Variants in PCLO observed in about 807,000 individuals in gnomAD.
The protein encoded by PCLO is piccolo presynaptic cytomatrix protein.
A neutral mutation model predicts 427.5 loss-of-function variants in PCLO; 82 were observed. That is an observed-to-expected ratio of 0.19 (90% CI 0.16 to 0.23). The LOEUF is 0.23. Ranked by LOEUF, PCLO falls within the 10% of genes least tolerant of loss-of-function variation. The pLI is 1.00. For missense variants in PCLO, 6,239 were observed against 6,115.9 expected (o/e 1.02, Z -0.67); for synonymous variants, 2,357 against 2,155.4 (o/e 1.09, Z -2.59).
chr7:82,758,625 T>G lies in PCLO; in HGVS notation c.15379A>C (p.Arg5127=), dbSNP rs377710753. The change falls in exon 25 of 25, where the codon AGA becomes CGA. Residue 5127 remains arginine (R), a synonymous_variant. Coordinates refer to ENST00000333891, the MANE Select transcript of PCLO (RefSeq NM_033026.6). ...IWLDKVDLRK[R]IVNWHKLLVS... ...AAAAGTTTGTGCCAGTTGACTATTCTTTTTCTGAGATCCACTTTGTCAAGC... is the reference window on the plus strand; with the variant it reads ...AAAAGTTTGTGCCAGTTGACTATTCGTTTTCTGAGATCCACTTTGTCAAGC... The G allele has an allele frequency of 1.8e-5, 29 of 1,611,802 alleles. No homozygotes were observed. Among genetic ancestry groups the G allele is most frequent in the Non-Finnish European group, 2.5e-5 (29 of 1,178,430 alleles).
Position 82,915,315 on chromosome 7 carries a change from G to A in PCLO, c.12671C>T (p.Thr4224Ile), listed in dbSNP as rs1794420978. The A allele has an allele frequency of 4.3e-6, 7 of 1,613,484 alleles. No homozygotes were observed. The African/African-American group carries it at 5.3e-5, about 12-fold the overall frequency. The part of the protein sequence containing the change: ...PDYSSYMTSS[T>I]SSIGGISSRA... ...GGAGGAAATGCCACCAATAGATGAA[G>A]TGCTAGAAGTCATATAGCTTGAATA... The change falls in exon 7 of 25, where the codon ACT becomes ATT. Residue 4224 changes from threonine (T) to isoleucine (I), a missense_variant. Transcript: ENST00000333891.
At chr7:82,944,660 A>G (rs1421831134) in intron 6 of PCLO, among the ~76,000 whole-genome samples, 1 of 152,194 alleles carries the variant, frequency 6.6e-6, no homozygotes, top group Non-Finnish European at 1.5e-5. Flanking sequence ...TCCAAAGAAT[A>G]TGAAAGATAC....
chr7:83,107,356 G>A (rs990355886), intron 3 of PCLO, among the ~76,000 whole-genome samples: 15 of 152,058 alleles, frequency 9.9e-5, no homozygotes, highest in Admixed American at 5.9e-4. Context: ...AAACTAACAC[G>A]AATTTATTTC....
intron 9 of PCLO, among the ~76,000 whole-genome samples, chr7:82,900,644 A>G (rs926109998): frequency 3.3e-5 from 5 of 151,668 alleles, no homozygotes; most frequent in Non-Finnish European, 5.9e-5. Context: ...AGATTGGAGG[A>G]GATATAGGAG....
intron 3 of PCLO, among the ~76,000 whole-genome samples, chr7:83,112,413 T>C (rs1056023351): frequency 5.3e-5 from 8 of 152,146 alleles, no homozygotes; most frequent in African/African-American, 9.7e-5. Context: ...CTACTGGGTA[T>C]CATTTAGTAA....
intron 3 of PCLO, among the ~76,000 whole-genome samples, chr7:82,988,673 T>C (rs1167795804): frequency 6.6e-6 from 1 of 152,116 alleles, no homozygotes; most frequent in Non-Finnish European, 1.5e-5. Context: ...TTATGATACA[T>C]GTAAGGTATT....
intron 2 of PCLO, among the ~76,000 whole-genome samples, chr7:83,149,101 C>T (rs1792066476): frequency 1.3e-5 from 2 of 152,130 alleles, no homozygotes; most frequent in Admixed American, 1.3e-4. Flanking sequence ...TCAGGCAGGT[C>T]ACCCTTTCAT....
chr7:82,919,717 C>T (rs1474505125), intron 6 of PCLO, among the ~76,000 whole-genome samples: 1 of 151,896 alleles, frequency 6.6e-6, no homozygotes, highest in East Asian at 1.9e-4. Context: ...TAAAGAAAAA[C>T]TTCAGTCCTT....
intron 10 of PCLO, among the ~76,000 whole-genome samples, chr7:82,870,258 C>A (rs1793200101): frequency 6.6e-6 from 1 of 151,936 alleles, no homozygotes; most frequent in South Asian, 2.1e-4. Flanking sequence ...ACTAATGGAA[C>A]AGAATACAGA....
intron 22 of PCLO, among the ~76,000 whole-genome samples, chr7:82,775,524 C>G (rs2129467937): frequency 6.6e-6 from 1 of 152,248 alleles, no homozygotes; most frequent in African/African-American, 2.4e-5. Flanking sequence ...TATTTGCCAT[C>G]TATACATTTT....
In PCLO at chr7:82,757,693, T is replaced by C. The variant is rs930521115; in HGVS notation, c.*882A>G. The C allele has an allele frequency of 1.3e-5, 2 of 151,944 alleles. No homozygotes were observed. The highest frequency in any genetic ancestry group is 4.8e-5 in the African/African-American group (2 of 41,420). The allele number at this position is 151,944 out of a possible 1,614,324, so 9.4% of individuals were successfully genotyped here. A position where few individuals can be genotyped will look rare whatever the true frequency, so the allele number is the denominator to read the frequency against. On this transcript the variant is annotated 3_prime_UTR_variant, in exon 25 of 25. Transcript: ENST00000333891. ...AAGTTATCATGCTTCCTAGAACATA[T>C]CAGTTTACTCTAGGTCCTTTGGTAC...
intron 20 of PCLO, 144 bp downstream of exon 20, chr7:82,822,351 T>C (rs1023215753): frequency 9.9e-6 from 15 of 1,512,456 alleles, no homozygotes; most frequent in African/African-American, 2.8e-5. Context: ...TGTATTTATA[T>C]CGTTCTTACA....
At chr7:82,976,493 T>C (rs924866191) in intron 3 of PCLO, among the ~76,000 whole-genome samples, 7 of 152,220 alleles carry the variant, frequency 4.6e-5, no homozygotes, top group Non-Finnish European at 1.0e-4. Flanking sequence ...CTGATTAAAA[T>C]CTAAGTGATA....
At chr7:83,048,871 A>T (rs200870359) in intron 3 of PCLO, among the ~76,000 whole-genome samples, 2 of 152,314 alleles carry the variant, frequency 1.3e-5, no homozygotes, top group East Asian at 3.9e-4. Context: ...CCACTATAAT[A>T]CACTTACTTG....
rs1309359821 is a variant in PCLO at position 82,950,986 on chromosome 7, A to G, written c.9602T>C (p.Leu3201Pro). Residue 3201 changes from leucine to proline, a missense_variant, in exon 6 of 25, where the codon CTT (leucine) becomes CCT (proline). Physicochemically the swap from Leu to Pro is moderately conservative, Grantham distance 98. Around this residue, in one of 5 missense-constraint regions of PCLO, gnomAD observed 4,677 missense variants for 4,468.4 expected, o/e 1.05. Coordinates refer to ENST00000333891, the MANE Select transcript of PCLO (RefSeq NM_033026.6). ...TTTATCTTCTTCAGGGACAATTAAA[A>G]GAGCACTTTCATCTCCCACCACTTC... ...FPEVVGDESA[L>P]LIVPEEDKQQ... The G allele has an allele frequency of 1.9e-6, 3 of 1,613,824 alleles. No homozygotes were observed. Among genetic ancestry groups the G allele is most frequent in the Non-Finnish European group, 2.5e-6 (3 of 1,179,874 alleles).
intron 7 of PCLO, among the ~76,000 whole-genome samples, chr7:82,913,739 C>T (rs769405657): frequency 1.3e-5 from 2 of 151,898 alleles, no homozygotes; most frequent in Non-Finnish European, 2.9e-5. Context: ...TAAGTATTTA[C>T]TTGTACTACT....
In PCLO at chr7:82,835,804, G is replaced by T. The variant is rs920976749; in HGVS notation, c.14223-111C>A. 6.3e-6 allele frequency: 5 copies of T among 794,678 alleles called. No homozygotes were observed. In the Admixed American group the frequency reaches 1.1e-4, roughly 18 times the overall value. The allele number at this position is 794,678 out of a possible 1,614,324, so 49.2% of individuals were successfully genotyped here. On this transcript the variant is annotated intron_variant, in intron 15 of 24. Coordinates refer to ENST00000333891, the MANE Select transcript of PCLO (RefSeq NM_033026.6). ...AAAGAAAACATGAAAATAATAACTA[G>T]AGGAGCTATCCCATAACATAAATGA...
chr7:82,903,331 G>T (rs1794104972), intron 8 of PCLO, among the ~76,000 whole-genome samples: 2 of 151,878 alleles, frequency 1.3e-5, no homozygotes, highest in African/African-American at 4.8e-5. Flanking sequence ...AATAAATAAA[G>T]ATTTTGTTCA....
intron 3 of PCLO, among the ~76,000 whole-genome samples, chr7:83,108,392 A>G (rs1027689171): frequency 6.6e-6 from 1 of 152,146 alleles, no homozygotes; most frequent in Non-Finnish European, 1.5e-5. Flanking sequence ...GTAATAATTA[A>G]GACATATGCC....
Sources: allele counts gnomAD v4.1 joint callset (sites outside exome capture counted in the v4.1 genomes callset), GRCh38; gene constraint gnomAD v4.1.1; regional missense constraint gnomAD v4.1.1; transcripts MANE v1.5; gene names NCBI Gene and HGNC (gene_info 2026-07-23, HGNC 2026-07-21).